The following CFAP299 variants were observed in gnomAD, a reference collection of about 807,000 sequenced individuals.
CFAP299 encodes cilia- and flagella-associated protein 299.
CFAP299 carries 21 observed loss-of-function variants against 27.0 expected under a neutral mutation model. That is an observed-to-expected ratio of 0.78 (90% CI 0.55 to 1.12). The LOEUF (loss-of-function observed/expected upper bound fraction) is 1.12, where lower values mean the gene tolerates loss of function less well. CFAP299 is among the 50% of genes most tolerant of loss of function. CFAP299 has a pLI of 0.00. For synonymous variants in CFAP299, 104 were observed against 98.1 expected, an observed-to-expected ratio of 1.06 and a Z score of -0.36; for missense variants, 310 against 276.6, an observed-to-expected ratio of 1.12 and a Z score of -0.86.
intron 2 of CFAP299, among the ~76,000 whole-genome samples, chr4:80,549,692 AAAG>A (rs1734407796): frequency 6.6e-6 from 1 of 152,160 alleles, no homozygotes; most frequent in Non-Finnish European, 1.5e-5. Flanking sequence ...GTTGCTGCTT[AAAG>A]GAGTAAATGA....
intron 2 of CFAP299, chr4:80,386,396 A>G (rs1724996260): frequency 2.0e-6 from 3 of 1,533,632 alleles, no homozygotes; most frequent in Non-Finnish European, 2.6e-6. Flanking sequence ...CGGGCACCAG[A>G]CCAGCCCCTG....
intron 3 of CFAP299, among the ~76,000 whole-genome samples, chr4:80,842,246 T>A (rs538371755): frequency 1.1e-3 from 165 of 152,294 alleles, no homozygotes; most frequent in African/African-American, 3.7e-3. Context: ...ACAGGTGAAC[T>A]CAGCCAAGTC....
Position 80,460,988 on chromosome 4 carries a change from TAA to T in CFAP299, c.242+98105_242+98106del, listed in dbSNP as rs1455793436. ...GACATATGGCATCAATTAATGCATGTAAGATGTACATTGGTTTGATCCAGAAA... is the reference window on the plus strand; with the variant it reads ...GACATATGGCATCAATTAATGCATGTGATGTACATTGGTTTGATCCAGAAA... On this transcript the variant is annotated intron_variant, in intron 2 of 5. Transcript: ENST00000358105. Among the ~76,000 whole-genome samples the T allele has an allele frequency of 3.3e-5, 5 of 152,264 alleles. No homozygotes were observed. In the East Asian group the frequency reaches 9.7e-4, roughly 29 times the overall value.
intron 2 of CFAP299, among the ~76,000 whole-genome samples, chr4:80,529,739 T>C (rs1560609785): frequency 6.6e-6 from 1 of 152,014 alleles, no homozygotes; most frequent in Admixed American, 6.6e-5. Flanking sequence ...ACTTTTTAGA[T>C]ACAATCCTTT....
At chr4:80,921,951 G>T (rs954246113) in intron 4 of CFAP299, among the ~76,000 whole-genome samples, 2 of 151,848 alleles carry the variant, frequency 1.3e-5, no homozygotes, top group Non-Finnish European at 2.9e-5. Context: ...AAAAAACAGA[G>T]GTACCAAAAA....
intron 3 of CFAP299, among the ~76,000 whole-genome samples, chr4:80,717,954 A>G (rs1008549739): frequency 5.9e-5 from 9 of 152,124 alleles, no homozygotes; most frequent in African/African-American, 1.4e-4. Context: ...ATTATAATGT[A>G]TATTAACATT....
intron 3 of CFAP299, among the ~76,000 whole-genome samples, chr4:80,837,935 G>A (rs1373413532): frequency 1.3e-5 from 2 of 152,090 alleles, no homozygotes; most frequent in Non-Finnish European, 2.9e-5. Flanking sequence ...AGCACCTGTT[G>A]TTTCCTGACT....
chr4:80,944,018 A>C (rs1331526388), intron 4 of CFAP299, among the ~76,000 whole-genome samples: 1 of 151,986 alleles, frequency 6.6e-6, no homozygotes, highest in Non-Finnish European at 1.5e-5. Context: ...GTGAGCTGAG[A>C]TCACGCCACT....
chr4:80,394,203 T>A (rs1189763446), intron 2 of CFAP299, among the ~76,000 whole-genome samples: 3 of 152,184 alleles, frequency 2.0e-5, no homozygotes, highest in African/African-American at 7.2e-5. Context: ...GGTACTTCTT[T>A]ATAGCAGTGT....
intron 4 of CFAP299, among the ~76,000 whole-genome samples, chr4:80,891,785 A>T (rs28795501): frequency 4.7e-4 from 54 of 115,898 alleles, no homozygotes; most frequent in Non-Finnish European, 6.8e-4. Context: ...AATTAAAAAA[A>T]AAATAAAAAA....
intron 3 of CFAP299, among the ~76,000 whole-genome samples, chr4:80,592,445 A>G (rs1317067151): frequency 6.6e-6 from 1 of 152,240 alleles, no homozygotes; most frequent in Non-Finnish European, 1.5e-5. Context: ...TCATGTTACA[A>G]ATGATACAAA....
At chr4:80,475,831 G>A (rs1164092570) in intron 2 of CFAP299, among the ~76,000 whole-genome samples, 5 of 152,150 alleles carry the variant, frequency 3.3e-5, no homozygotes, top group African/African-American at 1.2e-4. Context: ...GAAGAACAGA[G>A]TCCTAGAATA....
intron 2 of CFAP299, among the ~76,000 whole-genome samples, chr4:80,430,354 T>C (rs959467129): frequency 2.0e-5 from 3 of 152,236 alleles, no homozygotes; most frequent in Non-Finnish European, 2.9e-5. Flanking sequence ...CTGATCTATT[T>C]CTCTGCCTTG....
chr4:80,650,906 G>A (rs574860898), intron 3 of CFAP299, among the ~76,000 whole-genome samples: 3 of 152,086 alleles, frequency 2.0e-5, no homozygotes, highest in East Asian at 3.9e-4. Flanking sequence ...CAAACTGGGT[G>A]CAGTGTATCC....
At chr4:80,734,545 C>T (rs183449622) in intron 3 of CFAP299, among the ~76,000 whole-genome samples, 1 of 152,164 alleles carries the variant, frequency 6.6e-6, no homozygotes, top group African/African-American at 2.4e-5. Flanking sequence ...TTTGCCCAGA[C>T]CAATGTCTTG....
intron 2 of CFAP299, among the ~76,000 whole-genome samples, chr4:80,393,085 G>T (rs11731757): frequency 0.19 from 28,931 of 151,872 alleles, 2,906 homozygotes; most frequent in South Asian, 0.29. Flanking sequence ...GTAGGCTTAG[G>T]CTAATGTGTG....
chr4:80,438,276 A>G (rs1728189549), intron 2 of CFAP299, among the ~76,000 whole-genome samples: 1 of 152,216 alleles, frequency 6.6e-6, no homozygotes. Flanking sequence ...TGTTTGGTGC[A>G]GGTTTGATGA....
At chr4:80,445,508 A>G (rs559106750) in intron 2 of CFAP299, among the ~76,000 whole-genome samples, 20 of 152,268 alleles carry the variant, frequency 1.3e-4, no homozygotes, top group African/African-American at 4.8e-4. Context: ...GGAATGTCAT[A>G]CACCGAGGCC....
intron 3 of CFAP299, among the ~76,000 whole-genome samples, chr4:80,678,280 C>T (rs185409640): frequency 7.3e-4 from 111 of 152,036 alleles, no homozygotes; most frequent in African/African-American, 2.5e-3. Context: ...CAAAGAAATA[C>T]CCGTTTAAAT....
Sources: allele counts gnomAD v4.1 joint callset (sites outside exome capture counted in the v4.1 genomes callset), GRCh38; gene constraint gnomAD v4.1.1; transcripts MANE v1.5; gene names NCBI Gene and HGNC (gene_info 2026-07-23, HGNC 2026-07-21).